Variants in ZFAND6 observed in about 807,000 individuals in gnomAD.
ZFAND6 encodes zinc finger AN1-type containing 6, also known as AN1-type zinc finger protein 6.
In ZFAND6, 12 loss-of-function variants were observed where a neutral mutation model predicts 24.5. The ratio of observed to expected loss-of-function variants is 0.49; its 90% CI spans 0.31 to 0.79. The LOEUF (loss-of-function observed/expected upper bound fraction) is 0.79. ZFAND6 is among the 30% of genes least tolerant of loss of function. The probability of loss-of-function intolerance (pLI) is 0.04; values close to 1 mark genes in which losing one functional copy is unlikely to be tolerated. For synonymous variants in ZFAND6, 92 were observed against 81.5 expected, an observed-to-expected ratio of 1.13 and a Z score of -0.69; for missense variants, 207 against 245.9, an observed-to-expected ratio of 0.84 and a Z score of 1.06.
At chr15:80,096,821 C>T (rs1318008175) in intron 1 of ZFAND6, among the ~76,000 whole-genome samples, 2 of 152,056 alleles carry the variant, frequency 1.3e-5, no homozygotes, top group African/African-American at 2.4e-5. Context: ...AGGTAGTTAT[C>T]TCAGTATTCT....
At chr15:80,098,832 G>A (rs1462440747) in intron 2 of ZFAND6, among the ~76,000 whole-genome samples, 1 of 151,720 alleles carries the variant, frequency 6.6e-6, no homozygotes, top group African/African-American at 2.4e-5. Flanking sequence ...TATAAGCATT[G>A]GAATCTGCAT....
intron 2 of ZFAND6, among the ~76,000 whole-genome samples, chr15:80,105,053 A>C (rs1227126258): frequency 6.6e-6 from 1 of 152,180 alleles, no homozygotes; most frequent in Non-Finnish European, 1.5e-5. Context: ...TATCATGGAA[A>C]CACAGATTTT....
At chr15:80,074,527 G>A (rs1408509523) in intron 1 of ZFAND6, among the ~76,000 whole-genome samples, 1 of 151,794 alleles carries the variant, frequency 6.6e-6, no homozygotes, top group East Asian at 1.9e-4. Context: ...AAACATGTAT[G>A]AATAACCTTT....
At chr15:80,124,473 G>A (rs1008353125) in intron 5 of ZFAND6, among the ~76,000 whole-genome samples, 2 of 152,104 alleles carry the variant, frequency 1.3e-5, no homozygotes, top group Admixed American at 1.3e-4. Flanking sequence ...TGAAAAAAAT[G>A]TATAAAGCTT....
rs146485900 is a variant in ZFAND6, at chr15:80,119,063, G to A, written c.-17-1265G>A. The stretch of plus-strand genomic sequence containing the variant: ...ATTTCGGAGTAACCTTCACTTAGGA[G>A]ATTGTTGTTTTTTAATAAGAAAGAG... On this transcript the variant is annotated intron_variant, in intron 2 of 6. Transcript: ENST00000261749. Among the ~76,000 whole-genome samples the A allele has an allele frequency of 4.0e-5, 6 of 149,690 alleles. No individual in the cohort carries two copies. In the East Asian group the frequency reaches 1.2e-3, roughly 29 times the overall value.
rs1206162387 is a variant in ZFAND6 at position 80,089,342 on chromosome 15, T to C, written c.-180-9074T>C. Among the ~76,000 whole-genome samples, 5 of 128,520 alleles carry C rather than the reference T, an allele frequency of 3.9e-5. No individual in the cohort carries two copies. In the Admixed American group the frequency reaches 3.9e-4, roughly 10 times the overall value. 84.3% of individuals were successfully genotyped at this position (128,520 alleles called of 152,430 possible). A position where few individuals can be genotyped will look rare whatever the true frequency, so the allele number is the denominator to read the frequency against. Reference sequence around the variant, plus strand: ...GTGGCACGATCTCCTCACTGTAGCCTCCACCTCCCTGGTTCAAGCAATTCT... The same window carrying C: ...GTGGCACGATCTCCTCACTGTAGCCCCCACCTCCCTGGTTCAAGCAATTCT... On this transcript the variant is annotated intron_variant, in intron 1 of 6. Transcript: ENST00000261749.
intron 1 of ZFAND6, among the ~76,000 whole-genome samples, chr15:80,077,742 C>A (rs2037376471): frequency 6.8e-6 from 1 of 146,914 alleles, no homozygotes; most frequent in East Asian, 2.0e-4. Context: ...CTCTGTCACC[C>A]AGGCTGGAGC....
intron 2 of ZFAND6, among the ~76,000 whole-genome samples, chr15:80,114,562 GA>G (rs2039777950): frequency 1.3e-5 from 2 of 152,296 alleles, no homozygotes; most frequent in Admixed American, 1.3e-4. Context: ...CCACAGTTGG[GA>G]TGGAAAATAA....
chr15:80,130,495 C>A (rs1214181074), intron 5 of ZFAND6: 11 of 152,168 alleles, frequency 7.2e-5, no homozygotes, highest in Non-Finnish European at 1.5e-4. Flanking sequence ...ATGATTCTGA[C>A]TCTGGCGACA....
intron 1 of ZFAND6, chr15:80,073,385 T>G (rs915496570): frequency 7.4e-6 from 2 of 271,100 alleles, no homozygotes; most frequent in Non-Finnish European, 1.5e-5. Flanking sequence ...ATTTCTTATT[T>G]ATGACGTAAT....
intron 5 of ZFAND6, chr15:80,130,466 G>A (rs147895687): frequency 7.2e-5 from 11 of 152,220 alleles, no homozygotes; most frequent in East Asian, 5.8e-4. Context: ...AAAATGTCAC[G>A]TCTGCAAGGT....
chr15:80,121,065 A>C (rs530082712), intron 3 of ZFAND6, among the ~76,000 whole-genome samples: 25 of 152,322 alleles, frequency 1.6e-4, no homozygotes, highest in Non-Finnish European at 1.9e-4. Context: ...TGCGGATTCC[A>C]AGTATAAGCT....
chr15:80,077,769 A>G (rs139553436), intron 1 of ZFAND6, among the ~76,000 whole-genome samples: 4,968 of 136,038 alleles, frequency 0.037, 269 homozygotes, highest in East Asian at 0.23. Context: ...GCGTGATCTC[A>G]GTTCACTGCA....
intron 1 of ZFAND6, among the ~76,000 whole-genome samples, chr15:80,071,607 T>G (rs2036980831): frequency 1.3e-5 from 2 of 152,098 alleles, no homozygotes; most frequent in Non-Finnish European, 2.9e-5. Flanking sequence ...AGAGTTCCTG[T>G]GTAGTGTCTC....
chr15:80,089,259 GTT>G (rs71453501), intron 1 of ZFAND6, among the ~76,000 whole-genome samples: 656 of 60,964 alleles, frequency 0.011, no homozygotes, highest in African/African-American at 0.043. Flanking sequence ...GAGTGTGTGT[GTT>G]TTTTTTTTTT....
chr15:80,095,979 CAGTT>C (rs2038698366), intron 1 of ZFAND6, among the ~76,000 whole-genome samples: 1 of 152,176 alleles, frequency 6.6e-6, no homozygotes, highest in Admixed American at 6.5e-5. Flanking sequence ...ATTCCAGATA[CAGTT>C]TGATCTATCA....
intron 1 of ZFAND6, among the ~76,000 whole-genome samples, chr15:80,088,944 C>T (rs757711957): frequency 3.2e-4 from 48 of 152,076 alleles, no homozygotes; most frequent in Non-Finnish European, 6.2e-4. Flanking sequence ...TTTTCTTTAT[C>T]TCATCTTTAT....
intron 1 of ZFAND6, among the ~76,000 whole-genome samples, chr15:80,067,850 G>C (rs1339935550): frequency 6.6e-6 from 1 of 152,032 alleles, no homozygotes; most frequent in Admixed American, 6.5e-5. Flanking sequence ...TTGATTTCTA[G>C]TACCAAACAA....
intron 1 of ZFAND6, among the ~76,000 whole-genome samples, chr15:80,064,349 A>T (rs1052043583): frequency 6.6e-6 from 1 of 152,154 alleles, no homozygotes; most frequent in African/African-American, 2.4e-5. Context: ...TATCTTTACC[A>T]GCATTATCTG....
Sources: allele counts gnomAD v4.1 joint callset (sites outside exome capture counted in the v4.1 genomes callset), GRCh38; gene constraint gnomAD v4.1.1; transcripts MANE v1.5; gene names NCBI Gene and HGNC (gene_info 2026-07-23, HGNC 2026-07-21).